MCC: variants seen among roughly 807,000 people sequenced by gnomAD.
MCC encodes the protein colorectal mutant cancer protein.
Under a neutral mutation model 116.2 loss-of-function variants are expected in MCC, and 90 were observed. The observed-to-expected ratio is 0.77, with a 90% CI of 0.65 to 0.92. MCC has a LOEUF of 0.92. Ranked by LOEUF, MCC falls within the 40% of genes least tolerant of loss-of-function variation. MCC has a pLI of 0.00. For synonymous variants in MCC, 578 were observed against 510.5 expected, an observed-to-expected ratio of 1.13 and a Z score of -1.78; for missense variants, 1,516 against 1,312.2, an observed-to-expected ratio of 1.16 and a Z score of -2.40.
chr5:113,290,283 A>ATATGATTT (rs1341734545), intron 3 of MCC, among the ~76,000 whole-genome samples: 1 of 152,230 alleles, frequency 6.6e-6, no homozygotes, highest in Admixed American at 6.5e-5. Context: ...AAGTAAGGGA[A>ATATGATTT]ATATGATTTC....
rs115512645 is a variant in MCC at position 113,137,967 on chromosome 5, A to G, written c.884+5251T>C. ...TTCTTGGCTACATTACCCTGTAGCTATAAGGGATGGGAGAGTCTTCTAGGG... is the reference window on the plus strand; with the variant it reads ...TTCTTGGCTACATTACCCTGTAGCTGTAAGGGATGGGAGAGTCTTCTAGGG... On this transcript the variant is annotated intron_variant, in intron 5 of 18. Transcript: ENST00000408903. Among the ~76,000 whole-genome samples, 601 of 152,006 alleles carry G rather than the reference A, an allele frequency of 4.0e-3. 5 individuals are homozygous for G. Among genetic ancestry groups the G allele is most frequent in the African/African-American group, 0.014 (576 of 41,476 alleles).
chr5:113,346,942 A>G (rs925838602), intron 2 of MCC, among the ~76,000 whole-genome samples: 7 of 136,730 alleles, frequency 5.1e-5, no homozygotes, highest in Admixed American at 2.9e-4. Flanking sequence ...GTGCTGAAGG[A>G]AAAAAAAAAA....
chr5:113,467,548 T>C (rs1771947073), intron 1 of MCC, among the ~76,000 whole-genome samples: 1 of 152,170 alleles, frequency 6.6e-6, no homozygotes, highest in African/African-American at 2.4e-5. Flanking sequence ...TCTATATCTC[T>C]GTTTTGGTAC....
intron 2 of MCC, among the ~76,000 whole-genome samples, chr5:113,356,644 G>A (rs903522246): frequency 6.6e-6 from 1 of 152,126 alleles, no homozygotes; most frequent in African/African-American, 2.4e-5. Context: ...GCAGCTACAA[G>A]TTAGTACTTT....
chr5:113,295,038 A>T, intron 3 of MCC: 1 of 805,438 alleles, frequency 1.2e-6, no homozygotes, highest in African/African-American at 1.9e-5. Context: ...AGTAGCCTGG[A>T]GGCCGAGCAG....
intron 3 of MCC, among the ~76,000 whole-genome samples, chr5:113,217,144 A>T (rs904395861): frequency 5.9e-5 from 9 of 152,246 alleles, no homozygotes; most frequent in African/African-American, 2.2e-4. Flanking sequence ...TATGAAAACA[A>T]GCAGCTAGGT....
intron 16 of MCC, among the ~76,000 whole-genome samples, chr5:113,043,911 A>G (rs530370967): frequency 6.6e-6 from 1 of 152,344 alleles, no homozygotes; most frequent in East Asian, 1.9e-4. Context: ...TAAGCATGCC[A>G]TATGCATTCA....
intron 1 of MCC, among the ~76,000 whole-genome samples, chr5:113,441,317 C>T (rs1047742957): frequency 1.3e-5 from 2 of 151,862 alleles, no homozygotes; most frequent in African/African-American, 2.4e-5. Flanking sequence ...GTTGCCTGAA[C>T]GACAGAATGA....
intron 2 of MCC, among the ~76,000 whole-genome samples, chr5:113,349,217 C>T (rs746174607): frequency 5.9e-5 from 9 of 151,916 alleles, no homozygotes; most frequent in East Asian, 1.9e-4. Context: ...AGTATTATCC[C>T]GATACCAAAA....
chr5:113,151,380 C>T lies in MCC; in HGVS notation c.670G>A (p.Glu224Lys). 1.2e-6 allele frequency: 2 copies of T among 1,613,554 alleles called. No homozygotes were observed. Among genetic ancestry groups the T allele is most frequent in the East Asian group, 2.2e-5 (1 of 44,840 alleles). Residue 224 changes from glutamate to lysine, a missense_variant, in exon 4 of 19, where the codon GAA becomes AAA. Physicochemically the swap from Glu to Lys is moderately conservative, Grantham distance 56. Transcript: ENST00000408903. ...ALASLKGDIV[E>K]LNKRLQQTER... Reference sequence around the variant, plus strand: ...GTTTGCTGGAGACGTTTATTAAGTTCCACTATATCTCCCTTTAGTGATGCC... The same window carrying T: ...GTTTGCTGGAGACGTTTATTAAGTTTCACTATATCTCCCTTTAGTGATGCC...
At chr5:113,069,332 C>A (rs1459762517) in intron 12 of MCC, among the ~76,000 whole-genome samples, 1 of 152,236 alleles carries the variant, frequency 6.6e-6, no homozygotes, top group African/African-American at 2.4e-5. Flanking sequence ...TTGTGCCCAA[C>A]ATTCATTGGG....
chr5:113,068,987 G>C (rs1264946205), intron 12 of MCC, among the ~76,000 whole-genome samples: 3 of 152,228 alleles, frequency 2.0e-5, no homozygotes, highest in Non-Finnish European at 4.4e-5. Flanking sequence ...CCCACAAGGA[G>C]ATGATTTTGA....
At chr5:113,411,633 T>C (rs954814090) in intron 1 of MCC, among the ~76,000 whole-genome samples, 1 of 152,170 alleles carries the variant, frequency 6.6e-6, no homozygotes, top group East Asian at 1.9e-4. Flanking sequence ...CAGAGATTTT[T>C]ACACTTTAAT....
chr5:113,177,565 T>G (rs985000010), intron 3 of MCC, among the ~76,000 whole-genome samples: 19 of 152,342 alleles, frequency 1.2e-4, no homozygotes, highest in African/African-American at 3.6e-4. Flanking sequence ...ATCAATGATA[T>G]AAGTCTGCTT....
intron 3 of MCC, among the ~76,000 whole-genome samples, chr5:113,265,708 C>T (rs766214406): frequency 8.5e-5 from 13 of 152,126 alleles, no homozygotes; most frequent in South Asian, 8.3e-4. Flanking sequence ...CCCTTCTCCA[C>T]GCACCCAACT....
intron 1 of MCC, among the ~76,000 whole-genome samples, chr5:113,460,057 TAAG>T (rs931699653): frequency 2.0e-5 from 3 of 152,198 alleles, no homozygotes; most frequent in Admixed American, 6.5e-5. Flanking sequence ...AGAGGTTGCC[TAAG>T]AAGAGTCCCT....
At chr5:113,294,341 G>A (rs371903069) in intron 3 of MCC, 11 of 1,613,668 alleles carry the variant, frequency 6.8e-6, no homozygotes, top group African/African-American at 1.3e-5. Flanking sequence ...CACTCAGCTC[G>A]GCCGAGGAGT....
chr5:113,202,854 G>T (rs191541483), intron 3 of MCC, among the ~76,000 whole-genome samples: 1 of 150,918 alleles, frequency 6.6e-6, no homozygotes. Flanking sequence ...TATGGCGTCC[G>T]TGTTAGAAGA....
At chr5:113,062,614 T>C (rs1753299576) in intron 14 of MCC, among the ~76,000 whole-genome samples, 1 of 152,246 alleles carries the variant, frequency 6.6e-6, no homozygotes, top group Admixed American at 6.5e-5. Context: ...TATACACATC[T>C]GGAAGAGTCA....
Sources: gnomAD v4.1 joint callset for allele counts (sites outside exome capture counted in the v4.1 genomes callset) on GRCh38, gnomAD v4.1.1 for gene constraint, MANE v1.5 for transcripts, NCBI Gene and HGNC (gene_info 2026-07-23, HGNC 2026-07-21) for gene names.